Variants in SLC27A4 observed in about 807,000 individuals in gnomAD.
SLC27A4 encodes the protein long-chain fatty acid transport protein 4.
A neutral mutation model predicts 64.4 loss-of-function variants in SLC27A4; 33 were observed. The observed-to-expected ratio is 0.51, with a 90% confidence interval of 0.39 to 0.68. The LOEUF (loss-of-function observed/expected upper bound fraction) is 0.68, where lower values mean the gene tolerates loss of function less well. SLC27A4 is among the 30% of genes least tolerant of loss of function. The pLI, the probability that SLC27A4 is intolerant of heterozygous loss-of-function variation, is 0.00. For synonymous variants in SLC27A4, 377 were observed against 370.0 expected, an observed-to-expected ratio of 1.02 and a Z score of -0.22; for missense variants, 824 against 883.5, an observed-to-expected ratio of 0.93 and a Z score of 0.85.
chr9:128,352,974 T>C (rs1452541544), intron 7 of SLC27A4, 51 bp from the exon 8 acceptor site: 1 of 1,480,028 alleles, frequency 6.8e-7, no homozygotes, highest in Non-Finnish European at 9.3e-7. Flanking sequence ...AGAATCCTAG[T>C]GTAGTGAGGG....
At chr9:128,351,710 C>G (rs1271398396) in intron 6 of SLC27A4, among the ~76,000 whole-genome samples, 1 of 152,114 alleles carries the variant, frequency 6.6e-6, no homozygotes, top group Admixed American at 6.6e-5. Context: ...GGGCAAGACT[C>G]TGTCTCAAAA....
chr9:128,341,770 G>A (rs1221165383), intron 1 of SLC27A4, among the ~76,000 whole-genome samples: 1 of 152,012 alleles, frequency 6.6e-6, no homozygotes, highest in Non-Finnish European at 1.5e-5. Context: ...ACGGAGTCTC[G>A]CTCTGTCTCC....
At position 128,345,497 on chromosome 9, in the gene SLC27A4, C is replaced by A. The variant is rs137853131; in HGVS notation, c.504C>A (p.Cys168Ter). ...TGCGGCGGGATGCTCTGCTCCACTG[C>A]CTCACCACCTCGCGCGCACGGGCCC... ...TNLRRDALLH[C>*]LTTSRARALV... The change falls in exon 3 of 13, where the codon TGC becomes TGA. Residue 168 changes from cysteine (C) to a stop codon, truncating the protein, a stop_gained. Transcript: ENST00000300456. LOFTEE classifies it high-confidence loss of function. This position sits in a 1 kb window ranked among gnomAD's most constrained non-coding sequence, Gnocchi z 4.1. 164 of 1,611,178 alleles carry A rather than the reference C, an allele frequency of 1.0e-4. No individual in the cohort carries two copies. Among genetic ancestry groups the A allele is most frequent in the Non-Finnish European group, 8.5e-5 (100 of 1,179,096 alleles).
At chr9:128,342,233 T>C (rs1026607464) in intron 1 of SLC27A4, 19 of 1,610,120 alleles carry the variant, frequency 1.2e-5, no homozygotes, top group Non-Finnish European at 1.5e-5. Flanking sequence ...TCCGCAACCA[T>C]GTCTGACAAA....
At chr9:128,344,407 T>C (rs1001874724) in intron 2 of SLC27A4, among the ~76,000 whole-genome samples, 1 of 152,026 alleles carries the variant, frequency 6.6e-6, no homozygotes, top group African/African-American at 2.4e-5. Flanking sequence ...TGGTTCCAGC[T>C]ACTTGGGAGG....
chr9:128,353,573 T>C lies in SLC27A4; in HGVS notation c.1324+32T>C. 6.2e-7 allele frequency: 1 copy of C among 1,610,772 alleles called. No individual in the cohort carries two copies. The highest frequency in any genetic ancestry group is 2.2e-5 in the East Asian group (1 of 44,814). On this transcript the variant is annotated intron_variant, in intron 9 of 12. Transcript: ENST00000300456. This position sits in a 1 kb window ranked among gnomAD's most constrained non-coding sequence, Gnocchi z 4.9. ...CACTTCGGGGTCAGAGAGGGAGGGG[T>C]TGGCCTGGGAAGGAAGGAGGCCAGG...
At chr9:128,344,746 G>A (rs1390253667) in intron 2 of SLC27A4, among the ~76,000 whole-genome samples, 1 of 152,170 alleles carries the variant, frequency 6.6e-6, no homozygotes, top group Non-Finnish European at 1.5e-5. Context: ...TGGACTGTGG[G>A]AGGCCCCAAA....
At chr9:128,356,370 C>T (rs953699977) in intron 12 of SLC27A4, among the ~76,000 whole-genome samples, 2 of 152,178 alleles carry the variant, frequency 1.3e-5, no homozygotes, top group Non-Finnish European at 2.9e-5. Flanking sequence ...AAAGGGGGCC[C>T]CCAAGGCTGG....
intron 3 of SLC27A4, among the ~76,000 whole-genome samples, chr9:128,346,921 C>T (rs1023833540): frequency 6.6e-6 from 1 of 151,994 alleles, no homozygotes; most frequent in Non-Finnish European, 1.5e-5. Flanking sequence ...AGGAGAATCG[C>T]TTGAACCCAG....
rs1294342701 is a variant in SLC27A4, at chr9:128,355,296, TGTG to T, written c.1463-99_1463-97del. 3.1e-6 allele frequency: 5 copies of T among 1,599,206 alleles called. No homozygotes were observed. In the East Asian group the frequency reaches 9.0e-5, roughly 29 times the overall value. On this transcript the variant is annotated intron_variant, in intron 10 of 12. Coordinates refer to ENST00000300456, the MANE Select transcript of SLC27A4 (RefSeq NM_005094.4). ...CCAGGACTCCCCCAGTCCTGGCCCT[TGTG>T]GTCAAACAAATCCTTGGGCTCCAGC...
In SLC27A4 at chr9:128,355,710, A is replaced by T; in HGVS notation, c.1688A>T (p.Glu563Val). ...VASPTGNCDLERFAQVLEKEL... is the reference protein window; with the variant it reads ...VASPTGNCDLVRFAQVLEKEL... Reference sequence around the variant, plus strand: ...AGCCCCACTGGCAACTGTGACCTGGAGCGCTTTGCTCAGGTCTTGGAGAAG... The same window carrying T: ...AGCCCCACTGGCAACTGTGACCTGGTGCGCTTTGCTCAGGTCTTGGAGAAG... Residue 563 changes from glutamate (E) to valine (V), a missense_variant, in exon 12 of 13, where the codon GAG (glutamate) becomes GTG (valine). Physicochemically the swap from Glu to Val is moderately radical, Grantham distance 121 (BLOSUM62 -2). Transcript: ENST00000300456. The T allele has an allele frequency of 1.2e-6, 2 of 1,613,370 alleles. No individual in the cohort carries two copies. The highest frequency in any genetic ancestry group is 1.7e-6 in the Non-Finnish European group (2 of 1,180,022).
intron 3 of SLC27A4, among the ~76,000 whole-genome samples, 163 bp from the exon 4 acceptor site, chr9:128,348,382 C>A (rs1466249122): frequency 6.6e-6 from 1 of 152,220 alleles, no homozygotes; most frequent in African/African-American, 2.4e-5. Flanking sequence ...GCTAATAGAA[C>A]CATTGCCGGT....
chr9:128,351,283 T>A (rs568018570), intron 6 of SLC27A4, among the ~76,000 whole-genome samples: 1 of 148,000 alleles, frequency 6.8e-6, no homozygotes, highest in African/African-American at 2.5e-5. Flanking sequence ...AAAAATTAGC[T>A]GGGTCTGGTG....
intron 6 of SLC27A4, among the ~76,000 whole-genome samples, chr9:128,351,647 G>T (rs1002810129): frequency 6.6e-6 from 1 of 152,122 alleles, no homozygotes; most frequent in South Asian, 2.1e-4. Flanking sequence ...AACCCAGGAG[G>T]CAAAGGTTGC....
chr9:128,352,392 G>A (rs1832749658), intron 6 of SLC27A4, among the ~76,000 whole-genome samples: 1 of 152,182 alleles, frequency 6.6e-6, no homozygotes, highest in East Asian at 1.9e-4. Flanking sequence ...CCCTCCAGGT[G>A]CTTAGAGTCG....
At chr9:128,352,854 G>A in intron 7 of SLC27A4, 107 bp downstream of exon 7, 1 of 1,096,436 alleles carries the variant, frequency 9.1e-7, no homozygotes, top group Admixed American at 2.0e-5. Context: ...TCATTCCAAA[G>A]GGCTCATTTG....
intron 2 of SLC27A4, among the ~76,000 whole-genome samples, chr9:128,343,857 G>A (rs1298107582): frequency 6.6e-6 from 1 of 152,212 alleles, no homozygotes; most frequent in East Asian, 1.9e-4. Context: ...GACCCCATCT[G>A]CCAAGCTCAG....
Position 128,348,769 on chromosome 9 carries a change from T to A in SLC27A4, c.715+66T>A. Reference sequence around the variant, plus strand: ...GCCCTGGACAGAGCACTGGCCTCAGTGCCAGAAGGAGGCTTTTCTGGAAAC... The same window carrying A: ...GCCCTGGACAGAGCACTGGCCTCAGAGCCAGAAGGAGGCTTTTCTGGAAAC... On this transcript the variant is annotated intron_variant, in intron 4 of 12. Transcript: ENST00000300456. 6.5e-6 allele frequency: 10 copies of A among 1,542,030 alleles called. No homozygotes were observed. In the South Asian group the frequency reaches 1.1e-4, roughly 17 times the overall value.
At chr9:128,347,142 CT>C (rs1181884483) in intron 3 of SLC27A4, among the ~76,000 whole-genome samples, 1 of 152,216 alleles carries the variant, frequency 6.6e-6, no homozygotes, top group Non-Finnish European at 1.5e-5. Context: ...TAATTCCCCA[CT>C]TTCCTCACAG....
Sources: allele counts gnomAD v4.1 joint callset (sites outside exome capture counted in the v4.1 genomes callset), GRCh38; gene constraint gnomAD v4.1.1; non-coding constraint Gnocchi (gnomAD v3.1); transcripts MANE v1.5; gene names NCBI Gene and HGNC (gene_info 2026-07-23, HGNC 2026-07-21).